RGMA: variants seen among roughly 807,000 people sequenced by gnomAD.
RGMA encodes the protein repulsive guidance molecule A.
Under a neutral mutation model 23.2 loss-of-function variants are expected in RGMA, and 10 were observed. That is an observed-to-expected ratio of 0.43 (90% CI 0.27 to 0.73). The LOEUF (loss-of-function observed/expected upper bound fraction) is 0.73, where lower values mean the gene tolerates loss of function less well. Among genes scored for constraint, RGMA ranks in the 30% least tolerant of loss-of-function variants. The pLI is 0.20. For synonymous variants in RGMA, 308 were observed against 279.3 expected, an observed-to-expected ratio of 1.10 and a Z score of -1.03; for missense variants, 547 against 630.5, an observed-to-expected ratio of 0.87 and a Z score of 1.42.
rs759668936 is a variant in RGMA at position 93,052,350 on chromosome 15, G to A, written c.288C>T (p.Asp96=). 1 of 1,601,632 alleles carries A rather than the reference G, an allele frequency of 6.2e-7. No homozygotes were observed. Among genetic ancestry groups the A allele is most frequent in the South Asian group, 1.1e-5 (1 of 91,002 alleles). Residue 96 remains aspartate, a synonymous_variant, in exon 3 of 4, where the codon GAC becomes GAT. Coordinates refer to ENST00000329082, the MANE Select transcript of RGMA (RefSeq NM_020211.3). ...CATGGACGGCCGAGTGGTAGGCCAG[G>A]TCACCCCGGCAGGTGCGGGCCGTCC... ...TRRTARTCRG[D]LAYHSAVHGI...
rs1315000944 is a variant in RGMA at position 93,041,935 on chromosome 15, C to CA, written c.*3062dup. On this transcript the variant is annotated 3_prime_UTR_variant, in exon 4 of 4. Coordinates refer to ENST00000329082, the MANE Select transcript of RGMA (RefSeq NM_020211.3). ...ATCCCAACACTTTGGGAGGCCAAGG[C>CA]AGGCGGATCACGAGGTCAGGAGATC... 5 of 152,346 alleles carry CA rather than the reference C, an allele frequency of 3.3e-5. No homozygotes were observed. The highest frequency in any genetic ancestry group is 1.2e-4 in the African/African-American group (5 of 41,456). The allele number at this position is 152,346 out of a possible 1,614,324, so 9.4% of individuals were successfully genotyped here. A position where few individuals can be genotyped will look rare whatever the true frequency, so the allele number is the denominator to read the frequency against.
chr15:93,078,599 T>C (rs928195640), intron 1 of RGMA, among the ~76,000 whole-genome samples: 2 of 152,230 alleles, frequency 1.3e-5, no homozygotes, highest in African/African-American at 4.8e-5. Context: ...TAGACTTTGA[T>C]CATATCGCCT....
chr15:93,046,513 A>G (rs2054827260), intron 3 of RGMA, among the ~76,000 whole-genome samples: 2 of 152,214 alleles, frequency 1.3e-5, no homozygotes, highest in African/African-American at 4.8e-5. Flanking sequence ...TAGGAAATGA[A>G]TATGGTTTGC....
At chr15:93,049,289 C>T (rs2054879246) in intron 3 of RGMA, among the ~76,000 whole-genome samples, 1 of 152,212 alleles carries the variant, frequency 6.6e-6, no homozygotes, top group Non-Finnish European at 1.5e-5. Flanking sequence ...GGAGAAGATC[C>T]CTATGCTTCA....
At chr15:93,047,664 T>G (rs1000149604) in intron 3 of RGMA, among the ~76,000 whole-genome samples, 1 of 150,844 alleles carries the variant, frequency 6.6e-6, no homozygotes. Flanking sequence ...CCTCAGAGGG[T>G]CTGCAGGCTG....
At chr15:93,080,246 T>C (rs1041098533) in intron 1 of RGMA, among the ~76,000 whole-genome samples, 1 of 152,194 alleles carries the variant, frequency 6.6e-6, no homozygotes, top group Non-Finnish European at 1.5e-5. Context: ...TCGCCCAGGC[T>C]GGAGTAGCAT....
intron 1 of RGMA, among the ~76,000 whole-genome samples, chr15:93,084,467 TTTTTTTG>T (rs936169547): frequency 7.9e-5 from 12 of 151,520 alleles, no homozygotes; most frequent in East Asian, 1.9e-4. Flanking sequence ...GGTTTTTTTG[TTTTTTTG>T]TTTTTTGTTT....
chr15:93,066,186 C>A, intron 2 of RGMA: 1 of 1,428,616 alleles, frequency 7.0e-7, no homozygotes, highest in Non-Finnish European at 9.8e-7. Context: ...TCTCTCCTTC[C>A]ACGACATCAA....
In RGMA at chr15:93,036,524, AG is replaced by A. The variant is rs1484947337; in HGVS notation, c.*8473del. 1 of 152,266 alleles carries A rather than the reference AG, an allele frequency of 6.6e-6. No homozygotes were observed. Among genetic ancestry groups the A allele is most frequent in the Non-Finnish European group, 1.5e-5 (1 of 68,092 alleles). The allele number at this position is 152,266 out of a possible 1,614,324, so 9.4% of individuals were successfully genotyped here. A position where few individuals can be genotyped will look rare whatever the true frequency, so the allele number is the denominator to read the frequency against. On this transcript the variant is annotated 3_prime_UTR_variant, in exon 4 of 4. Transcript: ENST00000329082. ...TGGTCCCGGCCCCAGCCTTGACCTG[AG>A]GGCCACTCAGCGGCCCTGCTCATCA...
chr15:93,083,636 G>A (rs1184860978), intron 1 of RGMA, among the ~76,000 whole-genome samples: 1 of 152,176 alleles, frequency 6.6e-6, no homozygotes, highest in Non-Finnish European at 1.5e-5. Flanking sequence ...GCCAAGAGAA[G>A]CATTTTGAAA....
chr15:93,075,899 A>G (rs1237950150), intron 1 of RGMA, among the ~76,000 whole-genome samples: 1 of 152,170 alleles, frequency 6.6e-6, no homozygotes, highest in African/African-American at 2.4e-5. Flanking sequence ...GCCATCACAC[A>G]GTTTAGACTA....
chr15:93,051,722 C>T (rs895759525), intron 3 of RGMA, among the ~76,000 whole-genome samples: 3 of 152,204 alleles, frequency 2.0e-5, no homozygotes, highest in African/African-American at 7.2e-5. Context: ...TGACTACGCA[C>T]TTGGGGTGGG....
chr15:93,053,751 C>G (rs1007782152), intron 2 of RGMA, among the ~76,000 whole-genome samples: 1 of 152,202 alleles, frequency 6.6e-6, no homozygotes, highest in Non-Finnish European at 1.5e-5. Context: ...TACTGGAGCA[C>G]AAGTCACCTT....
chr15:93,087,765 A>G (rs1165325096), intron 1 of RGMA, among the ~76,000 whole-genome samples: 1 of 152,216 alleles, frequency 6.6e-6, no homozygotes, highest in Non-Finnish European at 1.5e-5. Flanking sequence ...GTCTAAAACC[A>G]AACAGAGAAG....
In RGMA at chr15:93,044,984, C is replaced by A. The variant is rs1473172923; in HGVS notation, c.*14G>T. The A allele has an allele frequency of 6.3e-7, 1 of 1,587,440 alleles. No individual in the cohort carries two copies. On this transcript the variant is annotated 3_prime_UTR_variant, in exon 4 of 4. Coordinates refer to ENST00000329082, the MANE Select transcript of RGMA (RefSeq NM_020211.3). ...GAGAGGACGGAGCCCGCGCCTCCCT[C>A]CACATCTACGCGTCTAGCAGAACAC... is the stretch of plus-strand genomic sequence containing the variant.
rs1164608870 is a variant in RGMA, at chr15:93,042,176, AAAT to A, written c.*2819_*2821del. 2 of 152,054 alleles carry A rather than the reference AAAT, an allele frequency of 1.3e-5. No individual in the cohort carries two copies. Among genetic ancestry groups the A allele is most frequent in the Non-Finnish European group, 2.9e-5 (2 of 68,028 alleles). 9.4% of individuals were successfully genotyped at this position (152,054 alleles called of 1,614,324 possible). On this transcript the variant is annotated 3_prime_UTR_variant, in exon 4 of 4. Transcript: ENST00000329082. ...GACGCCAGACTCCATTTCAAAAATA[AAAT>A]AAAGTTCTCCTTTTTCTTCAGCCTT...
chr15:93,072,471 C>T (rs945279659), intron 2 of RGMA, among the ~76,000 whole-genome samples: 8 of 152,150 alleles, frequency 5.3e-5, no homozygotes, highest in African/African-American at 1.9e-4. Flanking sequence ...GTCGGGAACT[C>T]GGCTGGGACC....
At chr15:93,058,712 G>A (rs978887247) in intron 2 of RGMA, among the ~76,000 whole-genome samples, 10 of 151,410 alleles carry the variant, frequency 6.6e-5, no homozygotes, top group South Asian at 2.1e-4. Flanking sequence ...GGGGCAAGGT[G>A]CAAACCACAG....
Position 93,052,156 on chromosome 15 carries a change from G to T in RGMA, c.482C>A (p.Thr161Lys). The T allele has an allele frequency of 6.2e-7, 1 of 1,613,838 alleles. No homozygotes were observed. The highest frequency in any genetic ancestry group is 8.5e-7 in the Non-Finnish European group (1 of 1,179,790). ...TGGGTCCCCGAAGAGGCCACAGTGC[G>T]TGTAGTTGGGGGTGGCCGAGTGCTT... ...FHKHSATPNY[T>K]HCGLFGDPHL... Residue 161 changes from threonine (T) to lysine (K), a missense_variant, in exon 3 of 4, where the codon ACG (threonine) becomes AAG (lysine). Around this residue, in one of 3 missense-constraint regions of RGMA, gnomAD observed 214 missense variants for 234.7 expected, o/e 0.91. Coordinates refer to ENST00000329082, the MANE Select transcript of RGMA (RefSeq NM_020211.3).
Sources: allele counts gnomAD v4.1 joint callset (sites outside exome capture counted in the v4.1 genomes callset), GRCh38; gene constraint gnomAD v4.1.1; regional missense constraint gnomAD v4.1.1; transcripts MANE v1.5; gene names NCBI Gene and HGNC (gene_info 2026-07-23, HGNC 2026-07-21).